The following JAM3 variants were observed in gnomAD, a reference collection of about 807,000 sequenced individuals.
JAM3 encodes junctional adhesion molecule 3.
Under a neutral mutation model 39.4 loss-of-function variants are expected in JAM3, and 31 were observed. The ratio of observed to expected loss-of-function variants is 0.79; its 90% CI spans 0.59 to 1.06. The LOEUF (loss-of-function observed/expected upper bound fraction) is 1.06. JAM3 is among the 50% of genes least tolerant of loss of function. The pLI is 0.00. For synonymous variants in JAM3, 182 were observed against 148.7 expected (o/e 1.22, Z -1.63); for missense variants, 455 against 391.4 (o/e 1.16, Z -1.37).
At chr11:134,116,745 C>T (rs538875939) in intron 1 of JAM3, among the ~76,000 whole-genome samples, 31 of 151,864 alleles carry the variant, frequency 2.0e-4, no homozygotes, top group Non-Finnish European at 3.7e-4. Flanking sequence ...TCTAGGCTCT[C>T]GGTGAACAGG....
chr11:134,138,348 A>G (rs1359554573), intron 1 of JAM3, among the ~76,000 whole-genome samples: 1 of 144,002 alleles, frequency 6.9e-6, no homozygotes, highest in South Asian at 2.2e-4. Context: ...GCTCATGCTG[A>G]GAGAAATGTT....
chr11:134,091,148 T>C lies in JAM3; in HGVS notation c.76+21989T>C, dbSNP rs112416487. On this transcript the variant is annotated intron_variant, in intron 1 of 8. Transcript: ENST00000299106. ...CTTAGAACTGAACCACAGTTAAAAG[T>C]GGTCATCTGAGGACCAGCCTGGGCA... is the stretch of plus-strand genomic sequence containing the variant. 2.3e-3 allele frequency among the ~76,000 whole-genome samples: 357 copies of C among 152,198 alleles called. 1 individual carries two copies. The highest frequency in any genetic ancestry group is 8.0e-3 in the African/African-American group (334 of 41,516).
intron 1 of JAM3, among the ~76,000 whole-genome samples, chr11:134,139,425 C>G (rs1000288625): frequency 1.3e-5 from 2 of 152,194 alleles, no homozygotes; most frequent in Admixed American, 6.5e-5. Flanking sequence ...GAGTTCCAGC[C>G]CAAGAGTCTG....
intron 1 of JAM3, among the ~76,000 whole-genome samples, chr11:134,135,797 G>T (rs570362344): frequency 1.3e-5 from 2 of 152,028 alleles, no homozygotes; most frequent in African/African-American, 4.8e-5. Flanking sequence ...GGCCAGGCGC[G>T]GTGGCCCACC....
intron 1 of JAM3, among the ~76,000 whole-genome samples, chr11:134,128,338 G>A (rs932088784): frequency 6.6e-6 from 1 of 152,186 alleles, no homozygotes; most frequent in East Asian, 1.9e-4. Context: ...GGGATTAAAT[G>A]TCATTGAACA....
intron 1 of JAM3, among the ~76,000 whole-genome samples, chr11:134,086,337 G>A (rs1289968799): frequency 6.6e-6 from 1 of 151,938 alleles, no homozygotes; most frequent in Non-Finnish European, 1.5e-5. Flanking sequence ...AGATGAGATA[G>A]CAAGTTTTAA....
chr11:134,081,556 C>T lies in JAM3; in HGVS notation c.76+12397C>T, dbSNP rs111289802. On this transcript the variant is annotated intron_variant, in intron 1 of 8. Coordinates refer to ENST00000299106, the MANE Select transcript of JAM3 (RefSeq NM_032801.5). Reference sequence around the variant, plus strand: ...CAGCTTCCACGTGGTGTTGAGCCTGCGAGTGCACAGAAGGTCAAGAATTGA... The same window carrying T: ...CAGCTTCCACGTGGTGTTGAGCCTGTGAGTGCACAGAAGGTCAAGAATTGA... 5.1e-3 allele frequency among the ~76,000 whole-genome samples: 774 copies of T among 152,292 alleles called. 6 individuals are homozygous for T. Among genetic ancestry groups the T allele is most frequent in the African/African-American group, 0.017 (717 of 41,560 alleles).
At chr11:134,100,781 C>G (rs1482016464) in intron 1 of JAM3, among the ~76,000 whole-genome samples, 1 of 152,200 alleles carries the variant, frequency 6.6e-6, no homozygotes, top group African/African-American at 2.4e-5. Flanking sequence ...TGGTGAACAT[C>G]CAAGCCAGAA....
At chr11:134,141,822 G>A (rs1240989068) in intron 3 of JAM3, among the ~76,000 whole-genome samples, 2 of 152,086 alleles carry the variant, frequency 1.3e-5, no homozygotes, top group Non-Finnish European at 2.9e-5. Context: ...CTGACAGGAG[G>A]GCGGGAGCTG....
chr11:134,083,360 A>G (rs1334120426), intron 1 of JAM3, among the ~76,000 whole-genome samples: 1 of 152,148 alleles, frequency 6.6e-6, no homozygotes, highest in Non-Finnish European at 1.5e-5. Flanking sequence ...GAAGGTTTTT[A>G]TAACATTGGA....
intron 1 of JAM3, among the ~76,000 whole-genome samples, chr11:134,135,466 G>C (rs1323060299): frequency 6.6e-6 from 1 of 152,032 alleles, no homozygotes; most frequent in Non-Finnish European, 1.5e-5. Flanking sequence ...ATGTAATAAA[G>C]ATGAATAAAT....
chr11:134,145,795 C>A (rs1943060096), intron 5 of JAM3, 151 bp from the exon 6 acceptor site: 6 of 696,966 alleles, frequency 8.6e-6, no homozygotes, highest in Non-Finnish European at 1.6e-5. Flanking sequence ...AGGCAGGTAT[C>A]AGGGAGTGGG....
intron 1 of JAM3, among the ~76,000 whole-genome samples, chr11:134,115,210 T>C (rs928484431): frequency 3.9e-5 from 6 of 152,236 alleles, no homozygotes; most frequent in Admixed American, 1.3e-4. Flanking sequence ...ACTTTTCTTT[T>C]GGCTAGTGTT....
At chr11:134,107,158 A>G (rs992342954) in intron 1 of JAM3, among the ~76,000 whole-genome samples, 23 of 152,242 alleles carry the variant, frequency 1.5e-4, no homozygotes, top group Admixed American at 2.6e-4. Context: ...AGCCATAAAA[A>G]ATGATGAGTT....
intron 1 of JAM3, among the ~76,000 whole-genome samples, chr11:134,124,488 G>A (rs1942604727): frequency 1.3e-5 from 2 of 152,134 alleles, no homozygotes; most frequent in Admixed American, 1.3e-4. Context: ...TCCTTATGAA[G>A]CTTCTGTCTT....
At chr11:134,107,096 T>C (rs1178275506) in intron 1 of JAM3, among the ~76,000 whole-genome samples, 1 of 152,158 alleles carries the variant, frequency 6.6e-6, no homozygotes, top group Non-Finnish European at 1.5e-5. Flanking sequence ...TGTCCATCAA[T>C]GATAGACTGG....
rs539488637 is a variant in JAM3, at chr11:134,137,586, G to T, written c.77-2265G>T. Among the ~76,000 whole-genome samples the T allele has an allele frequency of 2.2e-4, 33 of 152,304 alleles. 1 individual carries two copies. The highest frequency in any genetic ancestry group is 1.8e-3 in the Admixed American group (28 of 15,282). Reference sequence around the variant, plus strand: ...GTCATAGTCCCTTAGAGCCAGTGGTGGTGCCTCGTCGAAGTCATGGTGCTC... The same window carrying T: ...GTCATAGTCCCTTAGAGCCAGTGGTTGTGCCTCGTCGAAGTCATGGTGCTC... On this transcript the variant is annotated intron_variant, in intron 1 of 8. Transcript: ENST00000299106.
At chr11:134,085,055 T>C (rs930758067) in intron 1 of JAM3, among the ~76,000 whole-genome samples, 2 of 152,170 alleles carry the variant, frequency 1.3e-5, no homozygotes, top group African/African-American at 4.8e-5. Context: ...TGCCATCTTA[T>C]TTGACTCACC....
intron 1 of JAM3, among the ~76,000 whole-genome samples, chr11:134,137,377 A>G (rs1399750094): frequency 1.3e-5 from 2 of 152,150 alleles, no homozygotes; most frequent in Non-Finnish European, 2.9e-5. Context: ...ATCAGCCTGT[A>G]TCTCCTTATA....
Sources: allele counts gnomAD v4.1 joint callset (sites outside exome capture counted in the v4.1 genomes callset), GRCh38; gene constraint gnomAD v4.1.1; transcripts MANE v1.5; gene names NCBI Gene and HGNC (gene_info 2026-07-23, HGNC 2026-07-21).